The following NKAIN2 variants were observed in gnomAD, a reference collection of about 807,000 sequenced individuals.
The protein encoded by NKAIN2 is sodium/potassium transporting ATPase interacting 2.
Under a neutral mutation model 32.6 loss-of-function variants are expected in NKAIN2, and 14 were observed. The ratio of observed to expected loss-of-function variants is 0.43; its 90% CI spans 0.28 to 0.67. NKAIN2 has a LOEUF of 0.67. NKAIN2 is among the 30% of genes least tolerant of loss of function. The pLI is 0.17. For missense variants in NKAIN2, 198 were observed against 258.3 expected (o/e 0.77, Z 1.60); for synonymous variants, 80 against 87.2 (o/e 0.92, Z 0.46).
At chr6:124,235,591 GTTTTTTTGTTGT>G (rs1444590403) in intron 1 of NKAIN2, among the ~76,000 whole-genome samples, 5 of 114,638 alleles carry the variant, frequency 4.4e-5, no homozygotes, top group Non-Finnish European at 9.9e-5. Flanking sequence ...TTTTGTTTTT[GTTTTTTTGTTGT>G]TTTTTTTTTT....
At chr6:124,161,147 G>A (rs986666045) in intron 1 of NKAIN2, among the ~76,000 whole-genome samples, 2 of 152,110 alleles carry the variant, frequency 1.3e-5, no homozygotes, top group African/African-American at 2.4e-5. Context: ...CGTTCTGCCT[G>A]CTGTACAGGA....
At chr6:124,527,526 G>A (rs529152162) in intron 3 of NKAIN2, among the ~76,000 whole-genome samples, 1 of 152,244 alleles carries the variant, frequency 6.6e-6, no homozygotes, top group African/African-American at 2.4e-5. Context: ...GGGGGTCAAA[G>A]TGATGAATTC....
chr6:124,714,642 C>T (rs1283619842), intron 4 of NKAIN2, among the ~76,000 whole-genome samples: 2 of 152,176 alleles, frequency 1.3e-5, no homozygotes, highest in Non-Finnish European at 2.9e-5. Flanking sequence ...CGCAGGCCGT[C>T]TAAAGAAGAA....
rs1430580357 is a variant in NKAIN2 at position 124,193,726 on chromosome 6, G to A, written c.55-89279G>A. Among the ~76,000 whole-genome samples, 16 of 152,072 alleles carry A rather than the reference G, an allele frequency of 1.1e-4. 1 individual carries two copies. The highest frequency in any genetic ancestry group is 9.2e-4 in the Admixed American group (14 of 15,272). On this transcript the variant is annotated intron_variant, in intron 1 of 6. Coordinates refer to ENST00000368417, the MANE Select transcript of NKAIN2 (RefSeq NM_001040214.3). ...AGGTATGCAGACAAGTGGAGGGTGC[G>A]CAAGGAGAAGAGGAGCTTTACTGAG...
intron 1 of NKAIN2, among the ~76,000 whole-genome samples, chr6:123,891,345 T>A (rs1562242043): frequency 6.6e-6 from 1 of 152,220 alleles, no homozygotes; most frequent in Non-Finnish European, 1.5e-5. Flanking sequence ...ATCTTACGTC[T>A]ATTTTACCAC....
intron 3 of NKAIN2, among the ~76,000 whole-genome samples, chr6:124,377,580 C>T (rs746324280): frequency 6.6e-6 from 1 of 151,976 alleles, no homozygotes; most frequent in East Asian, 1.9e-4. Flanking sequence ...GAAAATAATC[C>T]TGATAAAAAG....
chr6:124,169,442 T>C (rs1431433921), intron 1 of NKAIN2, among the ~76,000 whole-genome samples: 1 of 152,170 alleles, frequency 6.6e-6, no homozygotes, highest in Non-Finnish European at 1.5e-5. Context: ...TTCACATTGA[T>C]GGCTGATCTA....
intron 3 of NKAIN2, among the ~76,000 whole-genome samples, chr6:124,646,546 G>T (rs1784176213): frequency 6.6e-6 from 1 of 150,520 alleles, no homozygotes; most frequent in African/African-American, 2.4e-5. Flanking sequence ...ATATTGAAAG[G>T]CCCAAAGATG....
intron 2 of NKAIN2, among the ~76,000 whole-genome samples, chr6:124,319,386 G>C (rs1205866214): frequency 6.6e-6 from 1 of 152,050 alleles, no homozygotes; most frequent in East Asian, 1.9e-4. Context: ...CATTTTATCA[G>C]CTAACAGATT....
At chr6:123,991,000 A>G (rs1445203869) in intron 1 of NKAIN2, among the ~76,000 whole-genome samples, 1 of 152,204 alleles carries the variant, frequency 6.6e-6, no homozygotes, top group Non-Finnish European at 1.5e-5. Flanking sequence ...TAAATACCTT[A>G]TCTTCCAAAG....
chr6:123,954,202 G>A (rs947565362), intron 1 of NKAIN2, among the ~76,000 whole-genome samples: 1 of 152,196 alleles, frequency 6.6e-6, no homozygotes, highest in Non-Finnish European at 1.5e-5. Flanking sequence ...TCTGGTGAGG[G>A]CCAGGCTTTT....
intron 3 of NKAIN2, among the ~76,000 whole-genome samples, chr6:124,534,356 G>A (rs1183417799): frequency 6.6e-6 from 1 of 152,130 alleles, no homozygotes; most frequent in African/African-American, 2.4e-5. Context: ...TTGCCATGTT[G>A]GCCAGACTGG....
intron 3 of NKAIN2, among the ~76,000 whole-genome samples, chr6:124,547,723 TAAGAATTA>T (rs1264635414): frequency 6.6e-6 from 1 of 152,188 alleles, no homozygotes; most frequent in Non-Finnish European, 1.5e-5. Flanking sequence ...AATTTTTCTT[TAAGAATTA>T]AATAAGGGGC....
intron 4 of NKAIN2, among the ~76,000 whole-genome samples, chr6:124,771,509 A>C (rs1438555767): frequency 1.3e-5 from 2 of 152,182 alleles, no homozygotes; most frequent in Non-Finnish European, 2.9e-5. Flanking sequence ...AAAATGATTG[A>C]GAGTTCTATT....
At chr6:124,286,983 G>A (rs1183213689) in intron 2 of NKAIN2, among the ~76,000 whole-genome samples, 2 of 152,144 alleles carry the variant, frequency 1.3e-5, no homozygotes, top group East Asian at 1.9e-4. Flanking sequence ...TGCCCGGCCA[G>A]GGATTTGTCT....
In NKAIN2 at chr6:124,443,145, C is replaced by A. The variant is rs529145313; in HGVS notation, c.273+87798C>A. Among the ~76,000 whole-genome samples, 184 of 152,116 alleles carry A rather than the reference C, an allele frequency of 1.2e-3. 2 individuals carry two copies. The highest frequency in any genetic ancestry group is 1.4e-3 in the Non-Finnish European group (97 of 67,962). ...TTTCATGATGTCAGAGACCATTAGA[C>A]CCCTACACGCTTCACTCATGTGTGG... On this transcript the variant is annotated intron_variant, in intron 3 of 6. Transcript: ENST00000368417.
At chr6:123,946,941 C>G (rs1229656202) in intron 1 of NKAIN2, among the ~76,000 whole-genome samples, 1 of 152,146 alleles carries the variant, frequency 6.6e-6, no homozygotes, top group Non-Finnish European at 1.5e-5. Flanking sequence ...AACGATCATT[C>G]AAGGACAAAC....
intron 2 of NKAIN2, among the ~76,000 whole-genome samples, chr6:124,327,361 A>G (rs1583054643): frequency 6.8e-6 from 1 of 146,130 alleles, no homozygotes. Context: ...TATATGTATC[A>G]TCTTTCATTG....
At position 124,644,988 on chromosome 6, in the gene NKAIN2, A is replaced by T. The variant is rs916079741; in HGVS notation, c.274-13198A>T. Among the ~76,000 whole-genome samples the T allele has an allele frequency of 3.3e-5, 5 of 152,364 alleles. No homozygotes were observed. In the South Asian group the frequency reaches 6.2e-4, roughly 19 times the overall value. ...TGTTTAAATGTCTACAGGAAAATAG[A>T]TGAAAGTATAAAATAATACCAGAAA... On this transcript the variant is annotated intron_variant, in intron 3 of 6. Coordinates refer to ENST00000368417, the MANE Select transcript of NKAIN2 (RefSeq NM_001040214.3).
Sources: allele counts gnomAD v4.1 joint callset (sites outside exome capture counted in the v4.1 genomes callset), GRCh38; gene constraint gnomAD v4.1.1; transcripts MANE v1.5; gene names NCBI Gene and HGNC (gene_info 2026-07-23, HGNC 2026-07-21).